ACCSL: variants seen among roughly 807,000 people sequenced by gnomAD.
ACCSL encodes the protein probable inactive 1-aminocyclopropane-1-carboxylate synthase-like protein 2.
Under a neutral mutation model 61.7 loss-of-function variants are expected in ACCSL, and 55 were observed. The observed-to-expected ratio is 0.89, with a 90% CI of 0.72 to 1.12. ACCSL has a LOEUF of 1.12. Ranked by LOEUF, ACCSL falls within the 50% of genes most tolerant of loss-of-function variation. ACCSL has a pLI of 0.00. For missense variants in ACCSL, 632 were observed against 698.0 expected (o/e 0.91, Z 1.07); for synonymous variants, 258 against 264.3 (o/e 0.98, Z 0.23).
rs1194836868 is a variant in ACCSL, at chr11:44,052,640, CTCTG to C, written c.773-18_773-15del. The stretch of plus-strand genomic sequence containing the variant: ...TGATTGGGAGACTTTGGACTGATAG[CTCTG>C]TCTCTCTGTGTTTCCAGAGGCCTTC... On this transcript the variant is annotated intron_variant, in intron 5 of 13. Coordinates refer to ENST00000378832, the MANE Select transcript of ACCSL (RefSeq NM_001031854.2). 10 of 1,601,630 alleles carry C rather than the reference CTCTG, an allele frequency of 6.2e-6. No individual in the cohort carries two copies. The highest frequency in any genetic ancestry group is 7.7e-6 in the Non-Finnish European group (9 of 1,168,774).
In ACCSL at chr11:44,059,926, C is replaced by T. The variant is rs1471332151; in HGVS notation, c.*6C>T. ...AGGATGCAATGAGGGAGTAGGCCGT[C>T]TGCCTCCCAACCAGCAGTTCCAGCC... On this transcript the variant is annotated 3_prime_UTR_variant, in exon 14 of 14. Transcript: ENST00000378832. The T allele has an allele frequency of 6.2e-7, 1 of 1,613,172 alleles. No individual in the cohort carries two copies. Among genetic ancestry groups the T allele is most frequent in the East Asian group, 2.2e-5 (1 of 44,826 alleles).
At chr11:44,039,967 G>A in the ACCSL span, among the ~76,000 whole-genome samples, 1 of 152,172 alleles carries the variant, frequency 6.6e-6, no homozygotes, top group Non-Finnish European at 1.5e-5. Context: ...ACCACCCTCG[G>A]GGAGGTAGGT....
chr11:43,955,645 C>A, the ACCSL span, among the ~76,000 whole-genome samples: 13 of 152,104 alleles, frequency 8.5e-5, no homozygotes, highest in Middle Eastern at 3.4e-3. Flanking sequence ...GAAGGTGAGT[C>A]GGGTGGAGCT....
At chr11:43,981,280 G>C in the ACCSL span, among the ~76,000 whole-genome samples, 42 of 152,290 alleles carry the variant, frequency 2.8e-4, 1 homozygote, top group South Asian at 6.2e-4. Context: ...TAACATGGTT[G>C]AGGTCAGCTC....
chr11:43,955,544 C>T, the ACCSL span, among the ~76,000 whole-genome samples: 1 of 152,110 alleles, frequency 6.6e-6, no homozygotes, highest in Non-Finnish European at 1.5e-5. Context: ...AATCTGGAAG[C>T]TAGGGTTTTC....
the ACCSL span, among the ~76,000 whole-genome samples, chr11:44,042,215 T>C: frequency 6.6e-6 from 1 of 152,178 alleles, no homozygotes; most frequent in East Asian, 1.9e-4. Context: ...TAAAACAATT[T>C]AAATAGCATT....
At chr11:43,991,166 T>G in the ACCSL span, among the ~76,000 whole-genome samples, 4 of 152,218 alleles carry the variant, frequency 2.6e-5, no homozygotes, top group African/African-American at 9.6e-5. Flanking sequence ...GAGGGCTTAC[T>G]ACATGCCAGG....
At chr11:44,009,536 T>C in the ACCSL span, among the ~76,000 whole-genome samples, 3 of 152,186 alleles carry the variant, frequency 2.0e-5, no homozygotes, top group African/African-American at 7.2e-5. Flanking sequence ...GAGGCCAAGA[T>C]AGGAGGATGG....
At chr11:43,937,521 A>G in the ACCSL span, among the ~76,000 whole-genome samples, 1 of 152,160 alleles carries the variant, frequency 6.6e-6, no homozygotes, top group African/African-American at 2.4e-5. Context: ...CCCTGCTCCT[A>G]GAAACATCCT....
the ACCSL span, among the ~76,000 whole-genome samples, chr11:43,931,150 CTGAAGGCA>C: frequency 2.0e-5 from 3 of 152,242 alleles, no homozygotes; most frequent in Non-Finnish European, 4.4e-5. Flanking sequence ...AGACTCTGCA[CTGAAGGCA>C]TGGTCATGAG....
the ACCSL span, among the ~76,000 whole-genome samples, chr11:43,946,684 A>T: frequency 6.6e-6 from 1 of 152,300 alleles, no homozygotes; most frequent in Non-Finnish European, 1.5e-5. Context: ...GATACTCCAT[A>T]TTTAATTAAG....
At chr11:43,943,928 C>T in the ACCSL span, 2 of 1,130,840 alleles carry the variant, frequency 1.8e-6, no homozygotes, top group Non-Finnish European at 1.1e-6. The surrounding 1 kb of genome is among the most constrained non-coding windows in gnomAD (Gnocchi z 4.8). Context: ...GTCCAGGCTC[C>T]CAAGACTCGG....
the ACCSL span, among the ~76,000 whole-genome samples, chr11:43,960,316 T>G: frequency 6.6e-6 from 1 of 152,216 alleles, no homozygotes; most frequent in African/African-American, 2.4e-5. Context: ...TCCTTTAATT[T>G]ATTTTTATAG....
chr11:44,030,057 ATT>A, the ACCSL span, among the ~76,000 whole-genome samples: 2 of 4,454 alleles, frequency 4.5e-4, no homozygotes, highest in Non-Finnish European at 8.2e-4. Context: ...TCTTTGGTTG[ATT>A]TTTTTTTTTT....
chr11:44,012,927 C>A, the ACCSL span, among the ~76,000 whole-genome samples: 10,497 of 152,248 alleles, frequency 0.069, 387 homozygotes, highest in Non-Finnish European at 0.092. Context: ...ACTGGGTTAA[C>A]CTCCTCTCAA....
chr11:43,931,074 C>G, the ACCSL span, among the ~76,000 whole-genome samples: 1 of 152,214 alleles, frequency 6.6e-6, no homozygotes, highest in Non-Finnish European at 1.5e-5. Context: ...TGTGGCCTTA[C>G]GACCCCATCA....
At chr11:43,996,731 CT>C in the ACCSL span, among the ~76,000 whole-genome samples, 1 of 152,026 alleles carries the variant, frequency 6.6e-6, no homozygotes, top group Non-Finnish European at 1.5e-5. Flanking sequence ...CCAGAAGTCT[CT>C]TCCTTGGAGA....
the ACCSL span, among the ~76,000 whole-genome samples, chr11:43,985,153 C>G: frequency 2.0e-5 from 3 of 152,234 alleles, no homozygotes; most frequent in South Asian, 4.1e-4. Context: ...TTCTCCCTTT[C>G]TCAGAGCCTC....
chr11:44,027,129 G>A, the ACCSL span, among the ~76,000 whole-genome samples: 4 of 152,268 alleles, frequency 2.6e-5, no homozygotes, highest in African/African-American at 7.2e-5. Flanking sequence ...TTCCTTAAAC[G>A]CCTAGATACA....
Sources: gnomAD v4.1 joint callset for allele counts (sites outside exome capture counted in the v4.1 genomes callset) on GRCh38, gnomAD v4.1.1 for gene constraint, Gnocchi (gnomAD v3.1) non-coding constraint, MANE v1.5 for transcripts, NCBI Gene and HGNC (gene_info 2026-07-23, HGNC 2026-07-21) for gene names.